The following GRID2 variants were observed in gnomAD, a reference collection of about 807,000 sequenced individuals.
GRID2 encodes the protein glutamate receptor ionotropic, delta-2.
In GRID2, 33 loss-of-function variants were observed where a neutral mutation model predicts 114.8. The ratio of observed to expected loss-of-function variants is 0.29; its 90% CI spans 0.22 to 0.38. GRID2 has a LOEUF of 0.38. Among genes scored for constraint, GRID2 ranks in the 10% least tolerant of loss-of-function variants. GRID2 has a pLI of 1.00. For missense variants in GRID2, 1,184 were observed against 1,257.7 expected, an observed-to-expected ratio of 0.94 and a Z score of 0.89; for synonymous variants, 505 against 449.9, an observed-to-expected ratio of 1.12 and a Z score of -1.55.
intron 8 of GRID2, among the ~76,000 whole-genome samples, chr4:93,274,589 A>G (rs1211431228): frequency 6.6e-6 from 1 of 152,082 alleles, no homozygotes; most frequent in Non-Finnish European, 1.5e-5. Flanking sequence ...AATATGAAAA[A>G]TGCTCATAGA....
chr4:93,294,448 G>A (rs997156782), intron 8 of GRID2, among the ~76,000 whole-genome samples: 2 of 152,194 alleles, frequency 1.3e-5, no homozygotes, highest in Admixed American at 6.5e-5. Context: ...ATGTGTGTAT[G>A]TGAGAGAGAG....
chr4:92,529,491 G>A (rs13134206), intron 1 of GRID2, among the ~76,000 whole-genome samples: 23,311 of 152,042 alleles, frequency 0.15, 1,885 homozygotes, highest in Middle Eastern at 0.28. Context: ...AGCAGAAACA[G>A]AGGAGATAGG....
intron 9 of GRID2, among the ~76,000 whole-genome samples, chr4:93,405,934 TA>T (rs1766368435): frequency 6.6e-6 from 1 of 152,310 alleles, no homozygotes; most frequent in East Asian, 1.9e-4. Flanking sequence ...TAGTAGCTAT[TA>T]AAGCTTACAG....
At chr4:93,723,761 C>T (rs543711292) in intron 14 of GRID2, among the ~76,000 whole-genome samples, 20 of 152,326 alleles carry the variant, frequency 1.3e-4, no homozygotes, top group South Asian at 8.3e-4. Flanking sequence ...ATCAATCTCA[C>T]TTTGAGGTAA....
At chr4:92,779,518 G>A (rs1459547999) in intron 2 of GRID2, among the ~76,000 whole-genome samples, 1 of 152,024 alleles carries the variant, frequency 6.6e-6, no homozygotes, top group African/African-American at 2.4e-5. Context: ...AGCTAGAAGT[G>A]AGCATTCCTA....
At chr4:93,208,647 T>G (rs1413592506) in intron 5 of GRID2, among the ~76,000 whole-genome samples, 2 of 152,040 alleles carry the variant, frequency 1.3e-5, no homozygotes, top group Non-Finnish European at 2.9e-5. Context: ...TCTCCTACAC[T>G]ACACTTCAAT....
chr4:93,706,522 C>T (rs1052032411), intron 14 of GRID2, among the ~76,000 whole-genome samples: 2 of 152,096 alleles, frequency 1.3e-5, no homozygotes, highest in Non-Finnish European at 1.5e-5. Context: ...AGATTGTTCA[C>T]TGTTGGCATA....
chr4:93,471,595 A>C (rs1724803070), intron 11 of GRID2, among the ~76,000 whole-genome samples: 1 of 151,924 alleles, frequency 6.6e-6, no homozygotes, highest in South Asian at 2.1e-4. Flanking sequence ...GAAATGTGGA[A>C]ATTTTAGCTT....
intron 14 of GRID2, among the ~76,000 whole-genome samples, chr4:93,752,869 T>C (rs1210531655): frequency 6.6e-6 from 1 of 152,204 alleles, no homozygotes; most frequent in South Asian, 2.1e-4. Context: ...AAAATCCATA[T>C]TGTCCATTTA....
chr4:93,591,916 T>G (rs1008774538), intron 13 of GRID2, among the ~76,000 whole-genome samples: 1 of 152,186 alleles, frequency 6.6e-6, no homozygotes, highest in African/African-American at 2.4e-5. Flanking sequence ...CCTTTATCAT[T>G]TTTTATTGCG....
chr4:92,660,760 C>T (rs2149268955), intron 2 of GRID2, among the ~76,000 whole-genome samples: 1 of 151,164 alleles, frequency 6.6e-6, no homozygotes, highest in South Asian at 2.1e-4. Flanking sequence ...CTTTGCCTTC[C>T]TATGAAAACT....
intron 2 of GRID2, among the ~76,000 whole-genome samples, chr4:93,017,859 G>A: frequency 6.9e-6 from 1 of 144,900 alleles, no homozygotes. Context: ...AATAATATGT[G>A]CACCAAGACA....
At chr4:93,552,214 AT>A (rs1181524520) in intron 13 of GRID2, among the ~76,000 whole-genome samples, 2 of 151,808 alleles carry the variant, frequency 1.3e-5, no homozygotes, top group African/African-American at 2.4e-5. Flanking sequence ...TGAACTCATC[AT>A]TTTTTATGGC....
At chr4:93,343,700 G>T (rs1759897546) in intron 8 of GRID2, among the ~76,000 whole-genome samples, 1 of 151,962 alleles carries the variant, frequency 6.6e-6, no homozygotes, top group African/African-American at 2.4e-5. Flanking sequence ...ATGTTTGGTA[G>T]ATTTGGGGAA....
chr4:93,508,785 CA>C (rs986765979), intron 12 of GRID2, among the ~76,000 whole-genome samples: 10 of 152,268 alleles, frequency 6.6e-5, no homozygotes, highest in African/African-American at 2.4e-4. Flanking sequence ...TAAACAAATA[CA>C]ATTCCTAAAC....
In GRID2 at chr4:92,648,566, A is replaced by G. The variant is rs1731760458; in HGVS notation, c.244+58280A>G. ...CCGTTTCTCCCTTCACTGAAGTTAC[A>G]TTCTGTCTGGGTAGAAAATTTAAAA... On this transcript the variant is annotated intron_variant, in intron 2 of 15. Transcript: ENST00000282020. 1.3e-5 allele frequency among the ~76,000 whole-genome samples: 2 copies of G among 149,562 alleles called. 1 individual carries two copies. The highest frequency in any genetic ancestry group is 5.0e-5 in the African/African-American group (2 of 39,770).
chr4:92,494,959 T>C (rs1338800324), intron 1 of GRID2, among the ~76,000 whole-genome samples: 2 of 151,984 alleles, frequency 1.3e-5, no homozygotes, highest in Non-Finnish European at 2.9e-5. Flanking sequence ...TTTTATATTA[T>C]TGGGATGAAG....
intron 2 of GRID2, among the ~76,000 whole-genome samples, chr4:92,690,497 T>C (rs997975731): frequency 6.6e-6 from 1 of 152,154 alleles, no homozygotes; most frequent in Non-Finnish European, 1.5e-5. Flanking sequence ...CAGTAAAAAT[T>C]TGGAAATATC....
chr4:93,571,899 T>C (rs1229730851), intron 13 of GRID2, among the ~76,000 whole-genome samples: 1 of 152,122 alleles, frequency 6.6e-6, no homozygotes, highest in Admixed American at 6.6e-5. Flanking sequence ...TCTGTTAACC[T>C]TCTAGATCAC....
Sources: gnomAD v4.1 joint callset for allele counts (sites outside exome capture counted in the v4.1 genomes callset) on GRCh38, gnomAD v4.1.1 for gene constraint, MANE v1.5 for transcripts, NCBI Gene and HGNC (gene_info 2026-07-23, HGNC 2026-07-21) for gene names.